The following HYDIN variants were observed in gnomAD, a reference collection of about 807,000 sequenced individuals.
The protein encoded by HYDIN is HYDIN axonemal central pair apparatus protein.
Under a neutral mutation model 403.9 loss-of-function variants are expected in HYDIN, and 132 were observed. That is an observed-to-expected ratio of 0.33 (90% CI 0.28 to 0.38). HYDIN has a LOEUF of 0.38. Ranked by LOEUF, HYDIN falls within the 10% of genes least tolerant of loss-of-function variation. HYDIN has a pLI of 1.00. For missense variants in HYDIN, 2,827 were observed against 5,009.5 expected, an observed-to-expected ratio of 0.56 and a Z score of 13.15; for synonymous variants, 1,202 against 1,891.7, an observed-to-expected ratio of 0.64 and a Z score of 9.46.
chr16:71,219,264 C>T (rs2089062475), intron 1 of HYDIN, among the ~76,000 whole-genome samples: 1 of 151,814 alleles, frequency 6.6e-6, no homozygotes, highest in South Asian at 2.1e-4. Flanking sequence ...ACTTTACATT[C>T]AGGACATTTT....
intron 23 of HYDIN, among the ~76,000 whole-genome samples, chr16:70,995,043 A>G (rs2079483754): frequency 6.6e-6 from 1 of 152,008 alleles, no homozygotes; most frequent in Non-Finnish European, 1.5e-5. Context: ...TACCTGGACA[A>G]TTGGGAAGTA....
At position 70,803,419 on chromosome 16, in the gene HYDIN, C is replaced by G. The variant is rs2034977942; in HGVS notation, c.*4161G>C. On this transcript the variant is annotated 3_prime_UTR_variant, in exon 86 of 86. Coordinates refer to ENST00000393567, the MANE Select transcript of HYDIN (RefSeq NM_001270974.2). ...TTCCACCCTTGTTCCTCTTCTCTGA[C>G]CTGTGACCATTCCTGTTGAAACTCT... Among the ~76,000 whole-genome samples, 1 of 152,210 alleles carries G rather than the reference C, an allele frequency of 6.6e-6. No homozygotes were observed. The highest frequency in any genetic ancestry group is 2.4e-5 in the African/African-American group (1 of 41,454).
chr16:71,003,885 T>C (rs1433733841), intron 23 of HYDIN, among the ~76,000 whole-genome samples: 4 of 152,052 alleles, frequency 2.6e-5, no homozygotes, highest in Non-Finnish European at 5.9e-5. Flanking sequence ...TAGTAATTTG[T>C]CTGTTGATTA....
intron 41 of HYDIN, among the ~76,000 whole-genome samples, chr16:70,951,335 A>C (rs998699212): frequency 2.0e-5 from 3 of 151,662 alleles, no homozygotes; most frequent in African/African-American, 7.3e-5. Flanking sequence ...TATAGTTTCC[A>C]GTCTTGGTTG....
chr16:71,216,075 A>T (rs2088864531), intron 1 of HYDIN, among the ~76,000 whole-genome samples: 1 of 152,182 alleles, frequency 6.6e-6, no homozygotes, highest in African/African-American at 2.4e-5. Flanking sequence ...CATCTAGTAA[A>T]CTTAAAGATA....
chr16:70,994,649 G>A (rs933118734), intron 23 of HYDIN, among the ~76,000 whole-genome samples: 7 of 148,636 alleles, frequency 4.7e-5, no homozygotes, highest in Non-Finnish European at 1.0e-4. Flanking sequence ...GGTCTCAGGA[G>A]TTAGATTTTT....
At chr16:70,955,348 C>G (rs1165836627) in intron 40 of HYDIN, 27 bp downstream of exon 40, 4 of 1,533,696 alleles carry the variant, frequency 2.6e-6, no homozygotes, top group Middle Eastern at 4.1e-4. Flanking sequence ...GACTTGACCA[C>G]AAAAACCCAA....
intron 1 of HYDIN, among the ~76,000 whole-genome samples, chr16:71,199,158 T>G (rs1404479522): frequency 6.6e-6 from 1 of 152,226 alleles, no homozygotes; most frequent in Admixed American, 6.5e-5. Flanking sequence ...AGTGTTCAAG[T>G]CTCTTGGCTT....
At chr16:71,064,971 T>C in intron 15 of HYDIN, 131 bp from the exon 16 acceptor site, 1 of 641,144 alleles carries the variant, frequency 1.6e-6, no homozygotes, top group South Asian at 2.4e-5. Context: ...ATTAGTCACT[T>C]TCAAAGCTTC....
At chr16:70,972,950 AC>A (rs1330631283) in intron 35 of HYDIN, among the ~76,000 whole-genome samples, 1 of 152,122 alleles carries the variant, frequency 6.6e-6, no homozygotes, top group Non-Finnish European at 1.5e-5. Context: ...GAAATCTCAA[AC>A]CCCCCACCCC....
chr16:71,092,313 A>G (rs2083132846), intron 11 of HYDIN, among the ~76,000 whole-genome samples: 1 of 152,128 alleles, frequency 6.6e-6, no homozygotes, highest in Non-Finnish European at 1.5e-5. Flanking sequence ...ACCACGTGGT[A>G]GGGGTGGCCA....
intron 36 of HYDIN, among the ~76,000 whole-genome samples, chr16:70,967,879 C>T (rs1458313313): frequency 6.6e-6 from 1 of 152,148 alleles, no homozygotes; most frequent in Non-Finnish European, 1.5e-5. Context: ...TACAACTGTG[C>T]CTGGCTAAAT....
At position 70,825,328 on chromosome 16, in the gene HYDIN, T is replaced by C. The variant is rs2036528192; in HGVS notation, c.14427+1933A>G. Among the ~76,000 whole-genome samples, 5 of 151,076 alleles carry C rather than the reference T, an allele frequency of 3.3e-5. No individual in the cohort carries two copies. In the South Asian group the frequency reaches 1.0e-3, roughly 32 times the overall value. Reference sequence around the variant, plus strand: ...AATGTATTTAGATGTGAGTATTTTTTTCATTCACCCTGTTTGGCAACTTGA... The same window carrying C: ...AATGTATTTAGATGTGAGTATTTTTCTCATTCACCCTGTTTGGCAACTTGA... On this transcript the variant is annotated intron_variant, in intron 83 of 85. Coordinates refer to ENST00000393567, the MANE Select transcript of HYDIN (RefSeq NM_001270974.2).
intron 1 of HYDIN, among the ~76,000 whole-genome samples, chr16:71,208,119 C>A (rs2088395263): frequency 6.6e-6 from 1 of 152,174 alleles, no homozygotes. Flanking sequence ...AATATACATT[C>A]TTTTCATCAC....
At chr16:71,172,149 G>T (rs1417930631) in intron 5 of HYDIN, among the ~76,000 whole-genome samples, 1 of 152,132 alleles carries the variant, frequency 6.6e-6, no homozygotes, top group Non-Finnish European at 1.5e-5. Flanking sequence ...TTGGGCTATG[G>T]TTTTTAAATT....
chr16:70,916,537 G>T (rs1031866210), intron 47 of HYDIN, among the ~76,000 whole-genome samples: 7 of 152,316 alleles, frequency 4.6e-5, no homozygotes, highest in Non-Finnish European at 1.0e-4. Context: ...GCTTGCTCCA[G>T]AGGGTCTGTG....
intron 75 of HYDIN, among the ~76,000 whole-genome samples, chr16:70,840,831 A>G (rs1319226756): frequency 6.6e-6 from 1 of 151,774 alleles, no homozygotes; most frequent in African/African-American, 2.4e-5. Flanking sequence ...GCCAAGGATG[A>G]AAGAGTGGAA....
At chr16:71,131,848 A>C (rs2084722581) in intron 8 of HYDIN, 1 of 151,352 alleles carries the variant, frequency 6.6e-6, no homozygotes, top group Admixed American at 6.6e-5. Context: ...ACCAATATGC[A>C]CACTGCCTCC....
chr16:71,023,930 G>C (rs2144134136), intron 21 of HYDIN, among the ~76,000 whole-genome samples: 1 of 152,298 alleles, frequency 6.6e-6, no homozygotes, highest in East Asian at 1.9e-4. Context: ...TGACTGGTTA[G>C]GCACTGCCAC....
Sources: gnomAD v4.1 joint callset for allele counts (sites outside exome capture counted in the v4.1 genomes callset) on GRCh38, gnomAD v4.1.1 for gene constraint, MANE v1.5 for transcripts, NCBI Gene and HGNC (gene_info 2026-07-23, HGNC 2026-07-21) for gene names.